STAT5B: variants seen among roughly 807,000 people sequenced by gnomAD.
STAT5B encodes the protein transcription factor STAT5B.
In STAT5B, 21 loss-of-function variants were observed where a neutral mutation model predicts 107.8. The ratio of observed to expected loss-of-function variants is 0.19; its 90% CI spans 0.14 to 0.28. The LOEUF (loss-of-function observed/expected upper bound fraction) is 0.28. STAT5B is among the 10% of genes least tolerant of loss of function. STAT5B has a pLI of 1.00. For synonymous variants in STAT5B, 325 were observed against 401.7 expected (o/e 0.81, Z 2.28); for missense variants, 565 against 1,008.2 (o/e 0.56, Z 5.95).
At chr17:42,209,682 C>T (rs1013425536) in intron 15 of STAT5B, among the ~76,000 whole-genome samples, 1 of 152,028 alleles carries the variant, frequency 6.6e-6, no homozygotes, top group Non-Finnish European at 1.5e-5. Flanking sequence ...CACTCCAGCC[C>T]GGGCAAAAGA....
chr17:42,204,346 TG>T (rs2080069714), intron 16 of STAT5B, among the ~76,000 whole-genome samples: 1 of 152,200 alleles, frequency 6.6e-6, no homozygotes, highest in Non-Finnish European at 1.5e-5. Flanking sequence ...GTCTTGTTTC[TG>T]GGTACGTGAA....
chr17:42,220,027 C>A (rs1325062985), intron 5 of STAT5B, among the ~76,000 whole-genome samples, 185 bp from the exon 6 acceptor site: 1 of 152,194 alleles, frequency 6.6e-6, no homozygotes, highest in Non-Finnish European at 1.5e-5. Flanking sequence ...CGCCTCTGGG[C>A]CCTGCTCGCC....
At chr17:42,279,397 G>A (rs1461138878), upstream of STAT5B, among the ~76,000 whole-genome samples, 1 of 152,214 alleles carries the variant, frequency 6.6e-6, no homozygotes, top group African/African-American at 2.4e-5. Flanking sequence ...CTACTGTGGT[G>A]TTTAGTAGCA....
chr17:42,285,499 C>G, the STAT5B span, among the ~76,000 whole-genome samples: 1 of 152,220 alleles, frequency 6.6e-6, no homozygotes, highest in Non-Finnish European at 1.5e-5. Flanking sequence ...AGGCCAGCCT[C>G]GGACCGCAGC....
chr17:42,266,226 G>A lies in STAT5B; in HGVS notation c.-11+10022C>T, dbSNP rs193178275. Reference sequence around the variant, plus strand: ...TGCAAACTAGACCTCTTCACATTTGGGTAATAAAAATTCAAAACTAGCCAG... The same window carrying A: ...TGCAAACTAGACCTCTTCACATTTGAGTAATAAAAATTCAAAACTAGCCAG... On this transcript the variant is annotated intron_variant, in intron 1 of 18. Coordinates refer to ENST00000293328, the MANE Select transcript of STAT5B (RefSeq NM_012448.4). Among the ~76,000 whole-genome samples the A allele has an allele frequency of 3.8e-3, 581 of 151,842 alleles. 1 individual carries two copies. Among genetic ancestry groups the A allele is most frequent in the South Asian group, 6.5e-3 (31 of 4,798 alleles).
intron 3 of STAT5B, among the ~76,000 whole-genome samples, chr17:42,226,511 G>A (rs1270140457): frequency 6.6e-6 from 1 of 151,992 alleles, no homozygotes; most frequent in Non-Finnish European, 1.5e-5. Context: ...TTCATTCTTA[G>A]AAAATGCACA....
chr17:42,220,405 G>A (rs1415538581), intron 5 of STAT5B, among the ~76,000 whole-genome samples: 4 of 152,214 alleles, frequency 2.6e-5, no homozygotes, highest in Non-Finnish European at 5.9e-5. Context: ...GAACAGGACA[G>A]AGAGAAGAGG....
intron 12 of STAT5B, among the ~76,000 whole-genome samples, chr17:42,215,006 G>C (rs1301520510): frequency 6.6e-6 from 1 of 152,096 alleles, no homozygotes; most frequent in African/African-American, 2.4e-5. Context: ...TGGCCTCCTG[G>C]AGTGCTGGGA....
intron 7 of STAT5B, 94 bp downstream of exon 7, chr17:42,219,218 G>C: frequency 2.7e-6 from 4 of 1,486,060 alleles, no homozygotes; most frequent in Admixed American, 2.2e-5. Flanking sequence ...CAGGATGGAG[G>C]GGGCCTGCTG....
chr17:42,219,900 A>G, intron 5 of STAT5B, 58 bp from the exon 6 acceptor site: 14 of 1,612,824 alleles, frequency 8.7e-6, no homozygotes, highest in Non-Finnish European at 1.2e-5. Context: ...CAGGAGGCCC[A>G]GAGAAGCCCA....
intron 1 of STAT5B, among the ~76,000 whole-genome samples, chr17:42,264,085 T>C (rs1226675355): frequency 6.6e-6 from 1 of 152,216 alleles, no homozygotes; most frequent in Non-Finnish European, 1.5e-5. Context: ...AGTATTCTAT[T>C]GGACAGCTAT....
chr17:42,223,192 G>T (rs1376895415), intron 5 of STAT5B, among the ~76,000 whole-genome samples, 190 bp downstream of exon 5: 1 of 151,980 alleles, frequency 6.6e-6, no homozygotes, highest in African/African-American at 2.4e-5. Context: ...TTAAGCGGGG[G>T]GTCCTGTCAT....
intron 12 of STAT5B, 49 bp downstream of exon 12, chr17:42,215,965 T>C: frequency 1.9e-6 from 3 of 1,584,404 alleles, no homozygotes; most frequent in Non-Finnish European, 2.6e-6. Flanking sequence ...ATGAGATTCA[T>C]GACACCGGCA....
chr17:42,269,745 C>T (rs191299866), intron 1 of STAT5B: 18 of 151,926 alleles, frequency 1.2e-4, no homozygotes, highest in African/African-American at 3.1e-4. Context: ...TAAAGCACTA[C>T]GCTTTAGGGT....
At chr17:42,278,718 C>T (rs1292737906), upstream of STAT5B, among the ~76,000 whole-genome samples, 2 of 152,098 alleles carry the variant, frequency 1.3e-5, no homozygotes, top group East Asian at 1.9e-4. Context: ...CGGTGGCTCA[C>T]GCCTGTAGTC....
At position 42,224,531 on chromosome 17, in the gene STAT5B, G is replaced by A. The variant is rs529911778; in HGVS notation, c.375+248C>T. Among the ~76,000 whole-genome samples, 6 of 151,978 alleles carry A rather than the reference G, an allele frequency of 3.9e-5. No homozygotes were observed. The East Asian group carries it at 7.7e-4, about 20-fold the overall frequency. ...ATTTTTTTGTATTTTTGGTAGAGACGGGGTTTCATCATGTTGCCCAGGGTG... is the reference window on the plus strand; with the variant it reads ...ATTTTTTTGTATTTTTGGTAGAGACAGGGTTTCATCATGTTGCCCAGGGTG... On this transcript the variant is annotated intron_variant, in intron 4 of 18. Coordinates refer to ENST00000293328, the MANE Select transcript of STAT5B (RefSeq NM_012448.4).
Position 42,212,068 on chromosome 17 carries a change from G to C in STAT5B, c.1596C>G (p.Phe532Leu). The change falls in exon 13 of 19, where the codon TTC (phenylalanine) becomes TTG (leucine). Residue 532 changes from phenylalanine to leucine, a missense_variant. This residue lies in a region of STAT5B where 127 missense variants were observed against 215.8 expected (regional missense o/e 0.59). Coordinates refer to ENST00000293328, the MANE Select transcript of STAT5B (RefSeq NM_012448.4). ...TGTTGTTGAACAGTTTCTGCGCCAGGAACACGAGGTTCTCCTTGGTCAGGC... is the reference window on the plus strand; with the variant it reads ...TGTTGTTGAACAGTTTCTGCGCCAGCAACACGAGGTTCTCCTTGGTCAGGC... The part of the protein sequence containing the change: ...NRGLTKENLV[F>L]LAQKLFNNSS... The C allele has an allele frequency of 6.2e-7, 1 of 1,614,074 alleles. No individual in the cohort carries two copies. Among genetic ancestry groups the C allele is most frequent in the African/African-American group, 1.3e-5 (1 of 75,026 alleles).
Position 42,265,560 on chromosome 17 carries a change from C to T in STAT5B, c.-11+10688G>A, listed in dbSNP as rs372008131. ...TAGAGACGGGGTTTCACCATGTTGG[C>T]CGGGATGGTCTTGAACTCCTGACCT... On this transcript the variant is annotated intron_variant, in intron 1 of 18. Transcript: ENST00000293328. Among the ~76,000 whole-genome samples the T allele has an allele frequency of 1.2e-3, 180 of 151,790 alleles. 9 individuals carry two copies. In the South Asian group the frequency reaches 0.037, roughly 31 times the overall value.
At chr17:42,206,899 C>CT (rs1187991944) in intron 16 of STAT5B, among the ~76,000 whole-genome samples, 1 of 123,352 alleles carries the variant, frequency 8.1e-6, no homozygotes, top group Non-Finnish European at 1.7e-5. Context: ...TTTTTTGAGA[C>CT]TGAGTCTCAC....
Sources: allele counts gnomAD v4.1 joint callset (sites outside exome capture counted in the v4.1 genomes callset), GRCh38; gene constraint gnomAD v4.1.1; regional missense constraint gnomAD v4.1.1; transcripts MANE v1.5; gene names NCBI Gene and HGNC (gene_info 2026-07-23, HGNC 2026-07-21).